Variants in DSCAM observed in about 807,000 individuals in gnomAD.
DSCAM encodes cell adhesion molecule DSCAM.
A neutral mutation model predicts 217.7 loss-of-function variants in DSCAM; 47 were observed. The observed-to-expected ratio is 0.22, with a 90% CI of 0.17 to 0.28. DSCAM has a LOEUF of 0.28. Among genes scored for constraint, DSCAM ranks in the 10% least tolerant of loss-of-function variants. DSCAM has a pLI of 1.00. For missense variants in DSCAM, 2,080 were observed against 2,618.3 expected (o/e 0.79, Z 4.49); for synonymous variants, 1,056 against 1,015.3 (o/e 1.04, Z -0.76).
chr21:40,461,093 T>C (rs1569133217), intron 3 of DSCAM, among the ~76,000 whole-genome samples: 1 of 152,122 alleles, frequency 6.6e-6, no homozygotes, highest in African/African-American at 2.4e-5. Context: ...AGTATATTCA[T>C]AAAATAGGAA....
intron 1 of DSCAM, among the ~76,000 whole-genome samples, chr21:40,826,690 G>A (rs2091971381): frequency 6.6e-6 from 1 of 152,218 alleles, no homozygotes. Flanking sequence ...GGACGACTCT[G>A]AGATTTCTGT....
chr21:40,839,643 TTTTG>T (rs892241908), intron 1 of DSCAM, among the ~76,000 whole-genome samples: 1 of 152,114 alleles, frequency 6.6e-6, no homozygotes, highest in Non-Finnish European at 1.5e-5. Context: ...ATGCTTTTTT[TTTTG>T]TTTTTTTCTC....
intron 11 of DSCAM, among the ~76,000 whole-genome samples, chr21:40,210,513 T>C (rs2091171389): frequency 6.6e-6 from 1 of 152,196 alleles, no homozygotes; most frequent in African/African-American, 2.4e-5. Context: ...CCAGTTAACA[T>C]TATCCAGTAG....
chr21:40,730,351 G>A (rs572520262), intron 1 of DSCAM, among the ~76,000 whole-genome samples: 36 of 152,278 alleles, frequency 2.4e-4, no homozygotes, highest in South Asian at 1.0e-3. Flanking sequence ...AAAGGAATGA[G>A]ACTTCTTAAA....
chr21:40,502,281 C>A (rs1286705723), intron 3 of DSCAM, among the ~76,000 whole-genome samples: 1 of 152,058 alleles, frequency 6.6e-6, no homozygotes, highest in Non-Finnish European at 1.5e-5. Flanking sequence ...GCTATGGACA[C>A]AAATCTAGTG....
chr21:40,750,054 A>G (rs925405680), intron 1 of DSCAM, among the ~76,000 whole-genome samples: 10 of 151,742 alleles, frequency 6.6e-5, no homozygotes, highest in Non-Finnish European at 1.0e-4. Context: ...CAGCCTCCTG[A>G]GTAGCTGCGA....
At chr21:40,751,682 G>A (rs1049179014) in intron 1 of DSCAM, among the ~76,000 whole-genome samples, 3 of 152,082 alleles carry the variant, frequency 2.0e-5, no homozygotes, top group African/African-American at 7.2e-5. Context: ...CAGGAGAGGG[G>A]TTCCTACTGT....
In DSCAM at chr21:40,333,469, A is replaced by T. The variant is rs531967107; in HGVS notation, c.1783+4632T>A. 1.5e-3 allele frequency among the ~76,000 whole-genome samples: 225 copies of T among 152,236 alleles called. 1 individual carries two copies. The highest frequency in any genetic ancestry group is 5.2e-3 in the African/African-American group (216 of 41,542). On this transcript the variant is annotated intron_variant, in intron 8 of 32. Transcript: ENST00000400454. Reference sequence around the variant, plus strand: ...AAACTCCGCCTCCTGGGTTCAAGCCATCCTCCCTCCTCAGCCACCTGAGTA... The same window carrying T: ...AAACTCCGCCTCCTGGGTTCAAGCCTTCCTCCCTCCTCAGCCACCTGAGTA...
chr21:40,174,842 C>G (rs1203862331), intron 15 of DSCAM, among the ~76,000 whole-genome samples: 1 of 152,218 alleles, frequency 6.6e-6, no homozygotes, highest in Non-Finnish European at 1.5e-5. Context: ...CCTGGTCTGT[C>G]GTGGGCTGCA....
intron 1 of DSCAM, among the ~76,000 whole-genome samples, chr21:40,765,599 C>G (rs2091380268): frequency 6.6e-6 from 1 of 152,132 alleles, no homozygotes; most frequent in African/African-American, 2.4e-5. Flanking sequence ...GATGGGGACA[C>G]AGAGAGTCAT....
chr21:40,737,344 A>G (rs2091074350), intron 1 of DSCAM, among the ~76,000 whole-genome samples: 1 of 150,116 alleles, frequency 6.7e-6, no homozygotes, highest in South Asian at 2.1e-4. Context: ...TTTGCTTTTA[A>G]AAACTCAGCA....
At chr21:40,412,274 C>T (rs182707161) in intron 3 of DSCAM, among the ~76,000 whole-genome samples, 1 of 152,208 alleles carries the variant, frequency 6.6e-6, no homozygotes, top group East Asian at 1.9e-4. Flanking sequence ...GAAAAGATAC[C>T]TGAAAATGTG....
chr21:40,187,000 A>C (rs762819862), intron 14 of DSCAM, 131 bp downstream of exon 14: 59 of 1,116,092 alleles, frequency 5.3e-5, no homozygotes, highest in Non-Finnish European at 7.2e-5. Flanking sequence ...CAGCAAGGAG[A>C]CTGGGGGAAG....
chr21:40,430,844 G>A (rs555643269), intron 3 of DSCAM, among the ~76,000 whole-genome samples: 1 of 152,314 alleles, frequency 6.6e-6, no homozygotes, highest in Non-Finnish European at 1.5e-5. Context: ...CGACGCACTT[G>A]AGGCAGAACA....
In DSCAM at chr21:40,637,879, TC is replaced by T. The variant is rs573882598; in HGVS notation, c.508+54930del. 2.4e-3 allele frequency among the ~76,000 whole-genome samples: 359 copies of T among 151,600 alleles called. 3 individuals are homozygous for T. The highest frequency in any genetic ancestry group is 4.4e-3 in the South Asian group (21 of 4,810). On this transcript the variant is annotated intron_variant, in intron 3 of 32. Coordinates refer to ENST00000400454, the MANE Select transcript of DSCAM (RefSeq NM_001389.5). ...CAAAAAACCCCGTAGAGATGGGGTTTCACCATATTGGTCAGGCAGGTCTTGA... is the reference window on the plus strand; with the variant it reads ...CAAAAAACCCCGTAGAGATGGGGTTTACCATATTGGTCAGGCAGGTCTTGA...
chr21:40,778,671 A>C (rs2091511347), intron 1 of DSCAM, among the ~76,000 whole-genome samples: 1 of 152,186 alleles, frequency 6.6e-6, no homozygotes, highest in Non-Finnish European at 1.5e-5. Context: ...AAGGATGATA[A>C]AGTGTGACAA....
intron 16 of DSCAM, among the ~76,000 whole-genome samples, chr21:40,157,118 T>C (rs1298107756): frequency 6.6e-6 from 1 of 152,196 alleles, no homozygotes; most frequent in Non-Finnish European, 1.5e-5. Flanking sequence ...AGAGGAAGAA[T>C]ATTTTGTCAT....
intron 1 of DSCAM, among the ~76,000 whole-genome samples, chr21:40,828,154 G>A (rs2091984529): frequency 6.6e-6 from 1 of 152,214 alleles, no homozygotes; most frequent in South Asian, 2.1e-4. Context: ...TGTATTTGCA[G>A]CACTTTGGGA....
At chr21:40,744,666 G>A (rs559220079) in intron 1 of DSCAM, among the ~76,000 whole-genome samples, 2 of 152,076 alleles carry the variant, frequency 1.3e-5, no homozygotes, top group African/African-American at 4.8e-5. Context: ...AATAACACCA[G>A]CAGAAGCTGG....
Sources: gnomAD v4.1 joint callset for allele counts (sites outside exome capture counted in the v4.1 genomes callset) on GRCh38, gnomAD v4.1.1 for gene constraint, MANE v1.5 for transcripts, NCBI Gene and HGNC (gene_info 2026-07-23, HGNC 2026-07-21) for gene names.